The following TBC1D22A variants were observed in gnomAD, a reference collection of about 807,000 sequenced individuals.
The protein encoded by TBC1D22A is TBC1 domain family member 22A, also known as putative GTPase activator.
In TBC1D22A, 38 loss-of-function variants were observed where a neutral mutation model predicts 60.2. That is an observed-to-expected ratio of 0.63 (90% CI 0.49 to 0.83). The LOEUF (loss-of-function observed/expected upper bound fraction) is 0.83. Among genes scored for constraint, TBC1D22A ranks in the 40% least tolerant of loss-of-function variants. The pLI is 0.00. For synonymous variants in TBC1D22A, 302 were observed against 281.7 expected (o/e 1.07, Z -0.72); for missense variants, 628 against 701.0 (o/e 0.90, Z 1.18).
At chr22:47,163,865 A>G (rs112303229) in intron 12 of TBC1D22A, among the ~76,000 whole-genome samples, 201 of 152,350 alleles carry the variant, frequency 1.3e-3, no homozygotes, top group African/African-American at 4.8e-3. Flanking sequence ...CTGGGACGCC[A>G]AGAGTCCAGT....
chr22:47,038,355 C>T (rs982934075), intron 11 of TBC1D22A, among the ~76,000 whole-genome samples: 1 of 152,192 alleles, frequency 6.6e-6, no homozygotes, highest in African/African-American at 2.4e-5. Context: ...GAAAGGGGAG[C>T]TCTTGGCGGG....
chr22:46,878,193 A>G lies in TBC1D22A; in HGVS notation c.638-460A>G, dbSNP rs974069720. 3.4e-5 allele frequency among the ~76,000 whole-genome samples: 5 copies of G among 147,078 alleles called. No homozygotes were observed. In the East Asian group the frequency reaches 6.4e-4, roughly 19 times the overall value. On this transcript the variant is annotated intron_variant, in intron 4 of 12. Transcript: ENST00000337137. ...AGTAGTGAGAAAAACCACATCATAT[A>G]TGTATGCTTAAATAGCATATAGAAA...
At chr22:46,849,767 T>C (rs1194122381) in intron 4 of TBC1D22A, among the ~76,000 whole-genome samples, 1 of 152,204 alleles carries the variant, frequency 6.6e-6, no homozygotes, top group Admixed American at 6.5e-5. Flanking sequence ...CGGATACAAG[T>C]GTCAGCTCTG....
chr22:47,090,174 C>CT (rs1287034118), intron 11 of TBC1D22A, among the ~76,000 whole-genome samples: 2 of 152,206 alleles, frequency 1.3e-5, no homozygotes, highest in African/African-American at 4.8e-5. Flanking sequence ...TGGGAATCAT[C>CT]TTGGGAGCCT....
Position 46,941,722 on chromosome 22 carries a change from G to GGAATGTATATACGGAATATATATATGCA in TBC1D22A, c.1015+29561_1015+29562insAGAATGTATATACGGAATATATATATGC, listed in dbSNP as rs1178568389. The stretch of plus-strand genomic sequence containing the variant: ...TTATATATGCGGAATATATATACGC[G>GGAATGTATATACGGAATATATATATGCA]GAATGTATATACGGAATATATATAT... On this transcript the variant is annotated intron_variant, in intron 8 of 12. Transcript: ENST00000337137. Among the ~76,000 whole-genome samples, 14 of 119,404 alleles carry GGAATGTATATACGGAATATATATATGCA rather than the reference G, an allele frequency of 1.2e-4. 1 individual carries two copies. Among genetic ancestry groups the GGAATGTATATACGGAATATATATATGCA allele is most frequent in the African/African-American group, 4.9e-4 (13 of 26,560 alleles). 78.3% of individuals were successfully genotyped at this position (119,404 alleles called of 152,430 possible). A position where few individuals can be genotyped will look rare whatever the true frequency, so the allele number is the denominator to read the frequency against.
Position 47,011,529 on chromosome 22 carries a change from C to T in TBC1D22A, c.1201+13820C>T, listed in dbSNP as rs1479023359. 3.9e-5 allele frequency among the ~76,000 whole-genome samples: 6 copies of T among 152,276 alleles called. 1 individual carries two copies. The highest frequency in any genetic ancestry group is 4.1e-4 in the South Asian group (2 of 4,830). ...CATAACCAATGCCCAGTTTCTAGAG[C>T]GGCCTCAGCAAATGTTGGGGAACTA... On this transcript the variant is annotated intron_variant, in intron 10 of 12. Transcript: ENST00000337137.
At chr22:47,045,908 GCACTGCACCCC>G (rs1256878639) in intron 11 of TBC1D22A, among the ~76,000 whole-genome samples, 1 of 152,148 alleles carries the variant, frequency 6.6e-6, no homozygotes, top group Non-Finnish European at 1.5e-5. Flanking sequence ...CCCACACCTG[GCACTGCACCCC>G]CACAGCACCC....
intron 12 of TBC1D22A, among the ~76,000 whole-genome samples, chr22:47,172,721 T>C (rs1369973174): frequency 6.6e-6 from 1 of 152,246 alleles, no homozygotes; most frequent in East Asian, 1.9e-4. Flanking sequence ...TGGCCCCATT[T>C]TGCAGAGGAG....
chr22:46,907,628 T>C (rs1259080939), intron 7 of TBC1D22A, among the ~76,000 whole-genome samples: 1 of 152,042 alleles, frequency 6.6e-6, no homozygotes, highest in African/African-American at 2.4e-5. Flanking sequence ...CTCCACCATC[T>C]GCGCCTCCAC....
intron 4 of TBC1D22A, among the ~76,000 whole-genome samples, chr22:46,858,800 A>C (rs2087710050): frequency 1.3e-5 from 2 of 152,226 alleles, no homozygotes; most frequent in African/African-American, 4.8e-5. Context: ...TCCTAAGAGG[A>C]TTTGTTTTTC....
At chr22:47,033,328 G>A (rs966492949) in intron 10 of TBC1D22A, among the ~76,000 whole-genome samples, 7 of 152,252 alleles carry the variant, frequency 4.6e-5, no homozygotes, top group Admixed American at 2.0e-4. Flanking sequence ...AGAACGTCAT[G>A]TTCTAGGGTG....
intron 7 of TBC1D22A, among the ~76,000 whole-genome samples, chr22:46,910,575 T>C (rs551163405): frequency 6.6e-6 from 1 of 152,294 alleles, no homozygotes; most frequent in Non-Finnish European, 1.5e-5. Flanking sequence ...CAGTTGGGCC[T>C]GGCCTTAGCT....
intron 12 of TBC1D22A, among the ~76,000 whole-genome samples, chr22:47,145,003 C>T (rs886561091): frequency 6.6e-6 from 1 of 152,244 alleles, no homozygotes; most frequent in Non-Finnish European, 1.5e-5. Flanking sequence ...TGACTGTAAT[C>T]GGAACTACCT....
chr22:46,864,923 C>T (rs2066980405), intron 4 of TBC1D22A, among the ~76,000 whole-genome samples: 1 of 152,178 alleles, frequency 6.6e-6, no homozygotes, highest in Non-Finnish European at 1.5e-5. Flanking sequence ...TTGCTGGCTC[C>T]CATTTGGGCT....
intron 11 of TBC1D22A, among the ~76,000 whole-genome samples, chr22:47,056,967 C>T (rs2063413604): frequency 6.6e-6 from 1 of 152,172 alleles, no homozygotes; most frequent in South Asian, 2.1e-4. Flanking sequence ...CCAGCAGCCG[C>T]CTCCTACACT....
At chr22:46,983,765 T>G (rs1260050223) in intron 9 of TBC1D22A, among the ~76,000 whole-genome samples, 1 of 151,534 alleles carries the variant, frequency 6.6e-6, no homozygotes, top group Non-Finnish European at 1.5e-5. Context: ...AGATACTTAA[T>G]TAAAAAAAAA....
chr22:47,051,874 C>T (rs1245240420), intron 11 of TBC1D22A, among the ~76,000 whole-genome samples: 1 of 152,262 alleles, frequency 6.6e-6, no homozygotes, highest in Non-Finnish European at 1.5e-5. Context: ...CTCTCCTGGC[C>T]ACCTGCTGTT....
intron 7 of TBC1D22A, among the ~76,000 whole-genome samples, chr22:46,910,693 G>T (rs1431629645): frequency 6.6e-6 from 1 of 152,136 alleles, no homozygotes; most frequent in African/African-American, 2.4e-5. Flanking sequence ...TCCAAAAAGA[G>T]AGTGGGGAGG....
At position 47,109,728 on chromosome 22, in the gene TBC1D22A, A is replaced by G. The variant is rs566606163; in HGVS notation, c.1330-1780A>G. 2.6e-5 allele frequency among the ~76,000 whole-genome samples: 4 copies of G among 152,280 alleles called. No homozygotes were observed. In the South Asian group the frequency reaches 8.3e-4, roughly 32 times the overall value. ...TCCAGTTGTTGAGGCCCATAGTGTCAGAGTGGCTCTTGGTTCCTTTCTCTC... is the reference window on the plus strand; with the variant it reads ...TCCAGTTGTTGAGGCCCATAGTGTCGGAGTGGCTCTTGGTTCCTTTCTCTC... On this transcript the variant is annotated intron_variant, in intron 11 of 12. Coordinates refer to ENST00000337137, the MANE Select transcript of TBC1D22A (RefSeq NM_014346.5).
Sources: allele counts gnomAD v4.1 joint callset (sites outside exome capture counted in the v4.1 genomes callset), GRCh38; gene constraint gnomAD v4.1.1; transcripts MANE v1.5; gene names NCBI Gene and HGNC (gene_info 2026-07-23, HGNC 2026-07-21).